The following IGBP1C variants were observed in gnomAD, a reference collection of about 807,000 sequenced individuals.
IGBP1C encodes the protein IGBP1 family member C.
chr17:58,682,267 T>C, the IGBP1C span, among the ~76,000 whole-genome samples: 6 of 151,450 alleles, frequency 4.0e-5, no homozygotes, highest in South Asian at 6.3e-4. Flanking sequence ...TCTTTCTTTT[T>C]TTTTTTTTGT....
the IGBP1C span, among the ~76,000 whole-genome samples, chr17:58,662,514 T>G: frequency 5.3e-5 from 8 of 151,532 alleles, no homozygotes; most frequent in South Asian, 1.7e-3. Flanking sequence ...TAAGTTGAGA[T>G]GGAGAAACAC....
At chr17:58,674,948 C>T in the IGBP1C span, among the ~76,000 whole-genome samples, 4 of 151,212 alleles carry the variant, frequency 2.6e-5, no homozygotes. Context: ...GAGTTTGAGA[C>T]CAGCCTGGCC....
At chr17:58,682,079 G>A in the IGBP1C span, among the ~76,000 whole-genome samples, 1 of 151,602 alleles carries the variant, frequency 6.6e-6, no homozygotes, top group Non-Finnish European at 1.5e-5. Context: ...CTCCTGAGTA[G>A]CTGGGACTAC....
At chr17:58,691,460 A>G in the IGBP1C span, among the ~76,000 whole-genome samples, 2 of 151,698 alleles carry the variant, frequency 1.3e-5, no homozygotes, top group Non-Finnish European at 1.5e-5. Context: ...CGAGGTCAGG[A>G]GTTCGAGACC....
chr17:58,680,101 A>G, the IGBP1C span, among the ~76,000 whole-genome samples: 1 of 151,978 alleles, frequency 6.6e-6, no homozygotes, highest in Non-Finnish European at 1.5e-5. Flanking sequence ...CCCCCCAGAG[A>G]CAAAGTCTTG....
At chr17:58,666,701 G>T in the IGBP1C span, 38 of 152,250 alleles carry the variant, frequency 2.5e-4, no homozygotes, top group Admixed American at 2.3e-3. Flanking sequence ...TAATTATGAG[G>T]TACTTGCGTG....
the IGBP1C span, among the ~76,000 whole-genome samples, chr17:58,676,535 G>A: frequency 6.6e-6 from 1 of 152,112 alleles, no homozygotes; most frequent in Non-Finnish European, 1.5e-5. Context: ...ACTCCAGACT[G>A]AGCAATAAGA....
chr17:58,684,987 T>C, the IGBP1C span, among the ~76,000 whole-genome samples: 1 of 151,990 alleles, frequency 6.6e-6, no homozygotes, highest in African/African-American at 2.4e-5. Context: ...AATAGTCAAA[T>C]GTTGAAGGAA....
At chr17:58,671,200 T>C in the IGBP1C span, among the ~76,000 whole-genome samples, 1 of 152,202 alleles carries the variant, frequency 6.6e-6, no homozygotes, top group Non-Finnish European at 1.5e-5. Context: ...ACTAAGATTA[T>C]TATTTCAATT....
the IGBP1C span, among the ~76,000 whole-genome samples, chr17:58,662,415 TCACACACA>T: frequency 2.1e-3 from 237 of 114,992 alleles, 1 homozygote; most frequent in Middle Eastern, 5.4e-3. Context: ...CACACATATC[TCACACACA>T]CACACACACA....
chr17:58,682,907 G>C, the IGBP1C span, among the ~76,000 whole-genome samples: 1 of 152,088 alleles, frequency 6.6e-6, no homozygotes. Context: ...TTTGAGAAGA[G>C]CCTCATTTCT....
chr17:58,676,752 G>A, the IGBP1C span, among the ~76,000 whole-genome samples: 2 of 152,128 alleles, frequency 1.3e-5, no homozygotes, highest in African/African-American at 4.8e-5. Context: ...TTGAGAGGCC[G>A]AGGTGGGAGG....
the IGBP1C span, among the ~76,000 whole-genome samples, chr17:58,678,209 A>G: frequency 6.6e-6 from 1 of 152,214 alleles, no homozygotes; most frequent in Admixed American, 6.5e-5. Flanking sequence ...AAGCTTATCC[A>G]GATGGGCCTA....
At chr17:58,673,083 G>A in the IGBP1C span, among the ~76,000 whole-genome samples, 1 of 152,022 alleles carries the variant, frequency 6.6e-6, no homozygotes, top group Non-Finnish European at 1.5e-5. Flanking sequence ...ACAATTGAGT[G>A]GTTCTCCATG....
At chr17:58,681,325 G>A in the IGBP1C span, among the ~76,000 whole-genome samples, 1 of 152,008 alleles carries the variant, frequency 6.6e-6, no homozygotes, top group Admixed American at 6.6e-5. Flanking sequence ...AGAACATAGA[G>A]GTGTCTTAGA....
At chr17:58,677,390 G>C in the IGBP1C span, among the ~76,000 whole-genome samples, 1 of 152,160 alleles carries the variant, frequency 6.6e-6, no homozygotes, top group Non-Finnish European at 1.5e-5. Flanking sequence ...GTTTATGCTG[G>C]ATTAAGGGAA....
chr17:58,677,498 A>G, the IGBP1C span: 1 of 152,238 alleles, frequency 6.6e-6, no homozygotes, highest in Non-Finnish European at 1.5e-5. Flanking sequence ...CACAGTTCAC[A>G]AGAAACAAGC....
At chr17:58,674,918 G>C in the IGBP1C span, among the ~76,000 whole-genome samples, 4 of 151,646 alleles carry the variant, frequency 2.6e-5, no homozygotes, top group South Asian at 4.2e-4. Context: ...GCTGAGGGGG[G>C]GTGCATCACT....
chr17:58,666,324 G>A, the IGBP1C span, among the ~76,000 whole-genome samples: 3 of 152,006 alleles, frequency 2.0e-5, no homozygotes, highest in East Asian at 5.8e-4. Flanking sequence ...CTCCAGCCTG[G>A]AAAATAGAGC....
Sources: allele counts gnomAD v4.1 joint callset (sites outside exome capture counted in the v4.1 genomes callset), GRCh38; gene constraint gnomAD v4.1.1; transcripts MANE v1.5; gene names NCBI Gene and HGNC (gene_info 2026-07-23, HGNC 2026-07-21).